The following SDHA variants were observed in gnomAD, a reference collection of about 807,000 sequenced individuals.
SDHA encodes the protein succinate dehydrogenase [ubiquinone] flavoprotein subunit, mitochondrial.
A neutral mutation model predicts 78.4 loss-of-function variants in SDHA; 48 were observed. The observed-to-expected ratio is 0.61, with a 90% CI of 0.49 to 0.78. The LOEUF (loss-of-function observed/expected upper bound fraction) is 0.78, where lower values mean the gene tolerates loss of function less well. Ranked by LOEUF, SDHA falls within the 30% of genes least tolerant of loss-of-function variation. The pLI, the probability that SDHA is intolerant of heterozygous loss-of-function variation, is 0.00. For synonymous variants in SDHA, 326 were observed against 353.9 expected (o/e 0.92, Z 0.88); for missense variants, 680 against 892.7 (o/e 0.76, Z 3.04).
chr5:253,643 C>T (rs1162621316), intron 13 of SDHA, among the ~76,000 whole-genome samples: 4 of 152,024 alleles, frequency 2.6e-5, no homozygotes, highest in Admixed American at 6.6e-5. Flanking sequence ...CCATATTGGC[C>T]GGGCTGGTCT....
At chr5:234,219 AC>A (rs1442554819) in intron 8 of SDHA, 1 of 161,588 alleles carries the variant, frequency 6.2e-6, no homozygotes, top group Non-Finnish European at 1.4e-5. Flanking sequence ...GGAGATCGAG[AC>A]CATCCTGGCT....
chr5:236,038 T>C (rs1282966912), intron 9 of SDHA: 2 of 298,108 alleles, frequency 6.7e-6, no homozygotes, highest in African/African-American at 4.5e-5. Context: ...TCTTTTTTTT[T>C]CTTGGAGATG....
At chr5:251,803 A>G (rs1351121283) in intron 13 of SDHA, 11 of 1,248,676 alleles carry the variant, frequency 8.8e-6, no homozygotes, top group African/African-American at 4.7e-5. Flanking sequence ...GTAAGCCATC[A>G]TTTCAAGCCT....
chr5:256,170 G>A (rs1737166904), intron 14 of SDHA, among the ~76,000 whole-genome samples, 164 bp from the exon 15 acceptor site: 1 of 152,188 alleles, frequency 6.6e-6, no homozygotes, highest in South Asian at 2.1e-4. Flanking sequence ...ATAGACAAGG[G>A]TTCTCCCACT....
rs35908745 is a variant in SDHA at position 237,848 on chromosome 5, C to T, written c.1432+1249C>T. The stretch of plus-strand genomic sequence containing the variant: ...ACACTCTGTCTCTGGATCTGACCAC[C>T]GCTCGGGAGGCCAGCACACGCAGAG... On this transcript the variant is annotated intron_variant, in intron 10 of 14. Transcript: ENST00000264932. 3.9e-4 allele frequency among the ~76,000 whole-genome samples: 53 copies of T among 137,454 alleles called. 1 individual carries two copies. Among genetic ancestry groups the T allele is most frequent in the Admixed American group, 7.0e-4 (10 of 14,332 alleles). 90.2% of individuals were successfully genotyped at this position (137,454 alleles called of 152,430 possible).
chr5:235,100 C>T (rs769871707), intron 8 of SDHA, 44 bp from the exon 9 acceptor site: 231 of 1,581,428 alleles, frequency 1.5e-4, no homozygotes, highest in Non-Finnish European at 1.9e-4. Context: ...GGTCTCCTGC[C>T]GTTGCCGTTC....
intron 1 of SDHA, 132 bp downstream of exon 1, chr5:218,550 G>C: frequency 1.4e-6 from 1 of 690,636 alleles, no homozygotes; most frequent in Non-Finnish European, 2.1e-6. Flanking sequence ...TCGGGAAGGG[G>C]CTGAGAGAGC....
intron 1 of SDHA, chr5:220,436 G>A (rs947827878): frequency 7.8e-6 from 2 of 256,886 alleles, no homozygotes; most frequent in African/African-American, 2.2e-5. Flanking sequence ...TATGTTTAAT[G>A]GTGTTCTAGA....
At chr5:241,307 T>C (rs886284870) in intron 11 of SDHA, among the ~76,000 whole-genome samples, 2 of 152,172 alleles carry the variant, frequency 1.3e-5, no homozygotes, top group Non-Finnish European at 2.9e-5. Flanking sequence ...AGAGGTTTCC[T>C]GGAGTTCAAC....
rs1060503702 is a variant in SDHA, at chr5:235,343, A to G, written c.1260+4A>G. The G allele has an allele frequency of 2.5e-6, 4 of 1,614,012 alleles. No homozygotes were observed. Among genetic ancestry groups the G allele is most frequent in the Non-Finnish European group, 3.4e-6 (4 of 1,179,972 alleles). On this transcript the variant is annotated splice_donor_region_variant and intron_variant, in intron 9 of 14. Transcript: ENST00000264932. ...TCCCACCAACTACAAGGGGCAGGTG[A>G]TGGTGCTGGCTCCTCCCCCACAGCT...
At chr5:267,438 T>C in the SDHA span, among the ~76,000 whole-genome samples, 1 of 152,254 alleles carries the variant, frequency 6.6e-6, no homozygotes, top group Non-Finnish European at 1.5e-5. Context: ...GTTGGATACA[T>C]GTACAGATAC....
the SDHA span, among the ~76,000 whole-genome samples, chr5:267,474 A>G: frequency 6.6e-6 from 1 of 152,232 alleles, no homozygotes; most frequent in Non-Finnish European, 1.5e-5. Flanking sequence ...ATGCTTGTTC[A>G]CACAAAGGAC....
intron 14 of SDHA, among the ~76,000 whole-genome samples, chr5:255,644 C>T (rs1223409989): frequency 1.3e-5 from 2 of 151,936 alleles, no homozygotes; most frequent in Admixed American, 1.3e-4. Context: ...GGTTTCTCCA[C>T]GTTGCCCAGG....
At chr5:248,203 T>C (rs1561007767) in intron 11 of SDHA, among the ~76,000 whole-genome samples, 1 of 152,110 alleles carries the variant, frequency 6.6e-6, no homozygotes, top group Non-Finnish European at 1.5e-5. Context: ...CCTGAAACCT[T>C]ATGAGCTGAC....
chr5:262,287 A>G, the SDHA span, among the ~76,000 whole-genome samples: 20 of 51,394 alleles, frequency 3.9e-4, no homozygotes, highest in Admixed American at 6.7e-4. Context: ...CCGCCTCCCG[A>G]CAGAGCATTA....
chr5:263,625 G>A, the SDHA span, among the ~76,000 whole-genome samples: 1 of 152,170 alleles, frequency 6.6e-6, no homozygotes, highest in Non-Finnish European at 1.5e-5. Flanking sequence ...AAAAAAGCTG[G>A]TCATAAAAAT....
In SDHA at chr5:236,615, A is replaced by G. The variant is rs753631065; in HGVS notation, c.1432+16A>G. The G allele has an allele frequency of 5.0e-6, 8 of 1,612,570 alleles. No homozygotes were observed. Among genetic ancestry groups the G allele is most frequent in the Admixed American group, 1.7e-5 (1 of 60,020 alleles). ...TGCAGGCCTGGTAAGTGTTTTCTTC[A>G]GGAGCCAGACTATTTGAGAAGGCGC... On this transcript the variant is annotated intron_variant, in intron 10 of 14. Transcript: ENST00000264932.
intron 10 of SDHA, among the ~76,000 whole-genome samples, chr5:239,930 C>A (rs1443093090): frequency 6.6e-6 from 1 of 152,034 alleles, no homozygotes; most frequent in Non-Finnish European, 1.5e-5. Flanking sequence ...CCACCATACC[C>A]AGATAATTTT....
At chr5:218,457 G>GC in intron 1 of SDHA, 39 bp downstream of exon 1, 1 of 1,344,888 alleles carries the variant, frequency 7.4e-7, no homozygotes, top group East Asian at 3.1e-5. Flanking sequence ...GCAGGCGGGG[G>GC]CCGAGGCGGC....
Sources: gnomAD v4.1 joint callset for allele counts (sites outside exome capture counted in the v4.1 genomes callset) on GRCh38, gnomAD v4.1.1 for gene constraint, MANE v1.5 for transcripts, NCBI Gene and HGNC (gene_info 2026-07-23, HGNC 2026-07-21) for gene names.